Variants in COG5 observed in about 807,000 individuals in gnomAD.
COG5 encodes conserved oligomeric Golgi complex subunit 5.
A neutral mutation model predicts 110.4 loss-of-function variants in COG5; 86 were observed. The ratio of observed to expected loss-of-function variants is 0.78; its 90% CI spans 0.65 to 0.93. The LOEUF is 0.93. Among genes scored for constraint, COG5 ranks in the 40% least tolerant of loss-of-function variants. COG5 has a pLI of 0.00. For synonymous variants in COG5, 360 were observed against 334.6 expected (o/e 1.08, Z -0.83); for missense variants, 1,077 against 987.0 (o/e 1.09, Z -1.22).
intron 11 of COG5, among the ~76,000 whole-genome samples, chr7:107,323,146 A>G (rs1809448610): frequency 6.6e-6 from 1 of 152,214 alleles, no homozygotes; most frequent in Non-Finnish European, 1.5e-5. Flanking sequence ...ACTGCATATA[A>G]ATTATATCTC....
intron 19 of COG5, among the ~76,000 whole-genome samples, chr7:107,215,789 A>G (rs1799486019): frequency 6.6e-6 from 1 of 151,040 alleles, no homozygotes; most frequent in Non-Finnish European, 1.5e-5. Context: ...GGTTCACTGC[A>G]AGCTCTGCCT....
chr7:107,328,492 T>C (rs887761795), intron 10 of COG5, among the ~76,000 whole-genome samples: 1 of 152,202 alleles, frequency 6.6e-6, no homozygotes, highest in Non-Finnish European at 1.5e-5. Context: ...ACCTTGAAGA[T>C]GTTACACTAA....
At chr7:107,507,427 G>A (rs990938892) in intron 6 of COG5, among the ~76,000 whole-genome samples, 5 of 147,772 alleles carry the variant, frequency 3.4e-5, no homozygotes, top group Non-Finnish European at 6.0e-5. Context: ...CCGAGTAGCT[G>A]GGACTACAGG....
At chr7:107,309,694 T>A (rs777645368) in intron 11 of COG5, among the ~76,000 whole-genome samples, 1 of 152,234 alleles carries the variant, frequency 6.6e-6, no homozygotes, top group Non-Finnish European at 1.5e-5. Flanking sequence ...AAGAGTTGGC[T>A]TTGTGTGGTT....
intron 7 of COG5, among the ~76,000 whole-genome samples, chr7:107,381,821 A>T (rs1815146963): frequency 6.6e-6 from 1 of 152,208 alleles, no homozygotes; most frequent in Admixed American, 6.5e-5. Flanking sequence ...TTTGTTTTTC[A>T]GAGTCAAGGA....
intron 7 of COG5, among the ~76,000 whole-genome samples, chr7:107,407,620 T>C (rs1270359090): frequency 1.3e-5 from 2 of 150,638 alleles, no homozygotes; most frequent in African/African-American, 2.4e-5. Flanking sequence ...GCATCTTCTT[T>C]TTTTTTTTTT....
intron 6 of COG5, among the ~76,000 whole-genome samples, chr7:107,446,683 T>A (rs73724516): frequency 0.013 from 1,987 of 152,234 alleles, 48 homozygotes; most frequent in African/African-American, 0.045. Context: ...TGCACAGCCC[T>A]GGAAAGAGGC....
At chr7:107,527,195 A>C in intron 6 of COG5, 42 bp downstream of exon 6, 1 of 1,487,312 alleles carries the variant, frequency 6.7e-7, no homozygotes, top group Non-Finnish European at 9.0e-7. Context: ...AAAATATTTA[A>C]ATCTCTACTA....
chr7:107,402,726 A>AT (rs1333932267), intron 7 of COG5, among the ~76,000 whole-genome samples: 1 of 152,234 alleles, frequency 6.6e-6, no homozygotes, highest in African/African-American at 2.4e-5. Flanking sequence ...GGTGGATGGC[A>AT]TATCTAGTCG....
At chr7:107,455,771 A>G (rs1355110718) in intron 6 of COG5, among the ~76,000 whole-genome samples, 2 of 152,022 alleles carry the variant, frequency 1.3e-5, no homozygotes, top group South Asian at 2.1e-4. Flanking sequence ...CATTTATGAA[A>G]GAAAACTGTC....
At chr7:107,448,258 A>G (rs566228253) in intron 6 of COG5, among the ~76,000 whole-genome samples, 1 of 152,304 alleles carries the variant, frequency 6.6e-6, no homozygotes, top group South Asian at 2.1e-4. Context: ...GAGGCATATG[A>G]AAAATGAGTT....
intron 7 of COG5, among the ~76,000 whole-genome samples, chr7:107,387,824 A>C (rs893759505): frequency 1.3e-5 from 2 of 152,220 alleles, no homozygotes; most frequent in Admixed American, 1.3e-4. Context: ...ATCGTGAGTG[A>C]CTCAGCTTAC....
intron 10 of COG5, among the ~76,000 whole-genome samples, chr7:107,326,923 T>G (rs1339675267): frequency 6.6e-6 from 1 of 152,126 alleles, no homozygotes; most frequent in Non-Finnish European, 1.5e-5. Flanking sequence ...ACACCTGTAG[T>G]CTCAGCTACT....
At position 107,304,816 on chromosome 7, in the gene COG5, C is replaced by G. The variant is rs188434135; in HGVS notation, c.1109-6470G>C. 4.6e-5 allele frequency among the ~76,000 whole-genome samples: 7 copies of G among 152,308 alleles called. No homozygotes were observed. The East Asian group carries it at 1.4e-3, about 29-fold the overall frequency. ...CTGCCAACCTTCAGATGCCCAAATA[C>G]TGGGCAGTGCCAAATATACCTGGAA... On this transcript the variant is annotated intron_variant, in intron 11 of 21. Transcript: ENST00000297135.
chr7:107,426,408 AT>A (rs1793646083), intron 6 of COG5, among the ~76,000 whole-genome samples: 1 of 152,190 alleles, frequency 6.6e-6, no homozygotes, highest in South Asian at 2.1e-4. Flanking sequence ...TCAGGCTGCT[AT>A]AACAAGGTAC....
At chr7:107,217,729 C>G (rs754100763) in intron 19 of COG5, among the ~76,000 whole-genome samples, 1 of 151,948 alleles carries the variant, frequency 6.6e-6, no homozygotes, top group African/African-American at 2.4e-5. Context: ...TTAACGGCCA[C>G]ATACGATAAG....
chr7:107,541,902 C>A (rs1456618305), intron 5 of COG5, among the ~76,000 whole-genome samples: 1 of 150,426 alleles, frequency 6.6e-6, no homozygotes, highest in African/African-American at 2.4e-5. Flanking sequence ...TGCACTCCAG[C>A]CTGGGCAACA....
At chr7:107,481,563 C>T (rs1797347014) in intron 6 of COG5, among the ~76,000 whole-genome samples, 1 of 151,938 alleles carries the variant, frequency 6.6e-6, no homozygotes. Context: ...ACTGAGTACA[C>T]TGGTTGGGTA....
chr7:107,299,850 T>TAG (rs1438409177), intron 11 of COG5, among the ~76,000 whole-genome samples: 1 of 128,142 alleles, frequency 7.8e-6, no homozygotes, highest in Admixed American at 8.0e-5. Context: ...TATATATATA[T>TAG]ATATATATCT....
Sources: allele counts gnomAD v4.1 joint callset (sites outside exome capture counted in the v4.1 genomes callset), GRCh38; gene constraint gnomAD v4.1.1; transcripts MANE v1.5; gene names NCBI Gene and HGNC (gene_info 2026-07-23, HGNC 2026-07-21).